The following PLEKHM3 variants were observed in gnomAD, a reference collection of about 807,000 sequenced individuals.
PLEKHM3 encodes pleckstrin homology domain containing M3.
Under a neutral mutation model 81.8 loss-of-function variants are expected in PLEKHM3, and 45 were observed. The observed-to-expected ratio is 0.55, with a 90% CI of 0.43 to 0.71. The LOEUF (loss-of-function observed/expected upper bound fraction) is 0.71. Among genes scored for constraint, PLEKHM3 ranks in the 30% least tolerant of loss-of-function variants. The pLI is 0.00. For missense variants in PLEKHM3, 788 were observed against 924.3 expected (o/e 0.85, Z 1.91); for synonymous variants, 352 against 356.4 (o/e 0.99, Z 0.14).
chr2:207,890,497 G>A lies in PLEKHM3; in HGVS notation c.1950+18017C>T, dbSNP rs6742548. On this transcript the variant is annotated intron_variant, in intron 6 of 7. Transcript: ENST00000427836. ...ACAGAAATTAGCTGGATGTGGTGGC[G>A]TGCACCTGTAGTCCTAGCTACTTGG... Among the ~76,000 whole-genome samples the A allele has an allele frequency of 7.3e-3, 1,104 of 152,178 alleles. 13 individuals carry two copies. Among genetic ancestry groups the A allele is most frequent in the African/African-American group, 0.025 (1,035 of 41,486 alleles).
At chr2:207,861,050 G>C in intron 7 of PLEKHM3, 55 bp downstream of exon 7, 1 of 1,582,166 alleles carries the variant, frequency 6.3e-7, no homozygotes, top group Non-Finnish European at 8.6e-7. Context: ...TTTGGCCAAA[G>C]AAAATGGCAT....
intron 5 of PLEKHM3, among the ~76,000 whole-genome samples, chr2:207,917,266 C>T (rs1419787149): frequency 4.6e-5 from 7 of 152,158 alleles, no homozygotes; most frequent in Admixed American, 3.9e-4. Context: ...GGAAAAGTAG[C>T]CACAAAATTC....
At chr2:208,012,777 C>T (rs932383279) in intron 1 of PLEKHM3, among the ~76,000 whole-genome samples, 1 of 152,200 alleles carries the variant, frequency 6.6e-6, no homozygotes, top group Non-Finnish European at 1.5e-5. Flanking sequence ...CTCCCATCTA[C>T]CTGAGAAAGC....
chr2:207,905,001 T>C (rs1688556695), intron 6 of PLEKHM3, among the ~76,000 whole-genome samples: 2 of 152,244 alleles, frequency 1.3e-5, no homozygotes, highest in South Asian at 2.1e-4. Context: ...ACCATGTTTA[T>C]TAAATTCTTA....
intron 6 of PLEKHM3, among the ~76,000 whole-genome samples, chr2:207,885,783 G>T (rs1410787531): frequency 6.6e-6 from 1 of 152,156 alleles, no homozygotes; most frequent in Non-Finnish European, 1.5e-5. Context: ...TAATAATTAG[G>T]ATTGCAGTTC....
chr2:208,001,767 G>A lies in PLEKHM3; in HGVS notation c.-128C>T, dbSNP rs895319033. 1.0e-5 allele frequency: 15 copies of A among 1,457,744 alleles called. No homozygotes were observed. The highest frequency in any genetic ancestry group is 1.4e-5 in the Non-Finnish European group (15 of 1,097,924). The allele number at this position is 1,457,744 out of a possible 1,614,324, so 90.3% of individuals were successfully genotyped here. On this transcript the variant is annotated 5_prime_UTR_variant, in exon 2 of 8. Coordinates refer to ENST00000427836, the MANE Select transcript of PLEKHM3 (RefSeq NM_001080475.3). The stretch of plus-strand genomic sequence containing the variant: ...AACAACTGGAAGAAACCTTCATTGG[G>A]CTCCCTGGAGCAGGCCAAACCCAAA...
At chr2:207,923,876 CACACATATATATAT>C (rs1689277796) in intron 5 of PLEKHM3, among the ~76,000 whole-genome samples, 1 of 41,774 alleles carries the variant, frequency 2.4e-5, no homozygotes, top group Admixed American at 2.7e-4. Context: ...CACACACACA[CACACATATATATAT>C]ATATATATAT....
intron 3 of PLEKHM3, among the ~76,000 whole-genome samples, chr2:207,969,955 A>T (rs77620003): frequency 6.6e-6 from 1 of 152,310 alleles, no homozygotes; most frequent in African/African-American, 2.4e-5. Flanking sequence ...CATTCCCACA[A>T]ATAAAGAACT....
chr2:208,017,028 G>C (rs1692945514), intron 1 of PLEKHM3, among the ~76,000 whole-genome samples: 1 of 152,114 alleles, frequency 6.6e-6, no homozygotes, highest in Non-Finnish European at 1.5e-5. Context: ...ATCTATTACA[G>C]TGCCTACACA....
At chr2:207,873,985 G>A (rs2092547517) in intron 6 of PLEKHM3, among the ~76,000 whole-genome samples, 1 of 152,172 alleles carries the variant, frequency 6.6e-6, no homozygotes, top group Non-Finnish European at 1.5e-5. Flanking sequence ...GTATATCATT[G>A]TCTAAGATGG....
intron 2 of PLEKHM3, among the ~76,000 whole-genome samples, chr2:207,998,127 C>T (rs1437977162): frequency 6.6e-6 from 1 of 152,120 alleles, no homozygotes; most frequent in Non-Finnish European, 1.5e-5. Context: ...TTTATCTTGC[C>T]TGCTCTCCAG....
At chr2:207,917,065 T>C (rs900786957) in intron 5 of PLEKHM3, among the ~76,000 whole-genome samples, 11 of 152,206 alleles carry the variant, frequency 7.2e-5, no homozygotes, top group African/African-American at 1.9e-4. Context: ...ATCAGGAAGA[T>C]AGATGACTCA....
At chr2:207,871,998 G>A (rs1363852945) in intron 6 of PLEKHM3, among the ~76,000 whole-genome samples, 1 of 152,164 alleles carries the variant, frequency 6.6e-6, no homozygotes, top group Non-Finnish European at 1.5e-5. Context: ...ATGAGGAAAA[G>A]TTCTAAGCAG....
chr2:207,968,683 A>C (rs1380314414), intron 3 of PLEKHM3, among the ~76,000 whole-genome samples: 1 of 152,174 alleles, frequency 6.6e-6, no homozygotes, highest in African/African-American at 2.4e-5. Flanking sequence ...CTCCCAACTA[A>C]AACTTCACCT....
chr2:207,994,735 T>C (rs1361895087), intron 2 of PLEKHM3, among the ~76,000 whole-genome samples: 2 of 152,202 alleles, frequency 1.3e-5, no homozygotes, highest in Admixed American at 1.3e-4. Flanking sequence ...TTAGATCTAT[T>C]TCTTCCCATC....
At chr2:207,832,532 C>T (rs1032520382) in intron 7 of PLEKHM3, among the ~76,000 whole-genome samples, 5 of 152,184 alleles carry the variant, frequency 3.3e-5, no homozygotes, top group Non-Finnish European at 5.9e-5. Flanking sequence ...TGGCTCATGC[C>T]TGTAATCCCA....
chr2:207,825,736 G>T lies in PLEKHM3; in HGVS notation c.*2583C>A, dbSNP rs2306432. On this transcript the variant is annotated 3_prime_UTR_variant, in exon 8 of 8. Coordinates refer to ENST00000427836, the MANE Select transcript of PLEKHM3 (RefSeq NM_001080475.3). Reference sequence around the variant, plus strand: ...CTGGCACCGACCAAGCTGTCAGGGTGGTACGAAAAGGAGAGGAAACAGGAG... The same window carrying T: ...CTGGCACCGACCAAGCTGTCAGGGTTGTACGAAAAGGAGAGGAAACAGGAG... 0.32 allele frequency: 48,467 copies of T among 151,998 alleles called. 8,590 individuals are homozygous for T. The highest frequency in any genetic ancestry group is 0.48 in the African/African-American group (20,022 of 41,408). The allele number at this position is 151,998 out of a possible 1,614,324, so 9.4% of individuals were successfully genotyped here.
chr2:207,938,061 A>G (rs1028740882), intron 4 of PLEKHM3, among the ~76,000 whole-genome samples: 1 of 152,238 alleles, frequency 6.6e-6, no homozygotes, highest in Non-Finnish European at 1.5e-5. Flanking sequence ...TTTATGTAAC[A>G]TGGAAAACCC....
In PLEKHM3 at chr2:208,021,862, C is replaced by T. The variant is rs13388190; in HGVS notation, c.-319+3527G>A. On this transcript the variant is annotated intron_variant, in intron 1 of 7. Coordinates refer to ENST00000427836, the MANE Select transcript of PLEKHM3 (RefSeq NM_001080475.3). ...TCATTGGTAACACCTTTCCACACTG[C>T]TAAACTTCTTCATTAAAAAATCCTT... is the stretch of plus-strand genomic sequence containing the variant. Among the ~76,000 whole-genome samples the T allele has an allele frequency of 4.4e-3, 669 of 152,314 alleles. 3 individuals are homozygous for T. Among genetic ancestry groups the T allele is most frequent in the African/African-American group, 0.015 (632 of 41,574 alleles).
Sources: allele counts gnomAD v4.1 joint callset (sites outside exome capture counted in the v4.1 genomes callset), GRCh38; gene constraint gnomAD v4.1.1; transcripts MANE v1.5; gene names NCBI Gene and HGNC (gene_info 2026-07-23, HGNC 2026-07-21).